The following STAB2 variants were observed in gnomAD, a reference collection of about 807,000 sequenced individuals.
STAB2 encodes the protein stabilin 2.
In STAB2, 288 loss-of-function variants were observed where a neutral mutation model predicts 338.1. The observed-to-expected ratio is 0.85, with a 90% confidence interval of 0.77 to 0.94. The LOEUF (loss-of-function observed/expected upper bound fraction) is 0.94. Ranked by LOEUF, STAB2 falls within the 40% of genes least tolerant of loss-of-function variation. The probability of loss-of-function intolerance (pLI) is 0.00; values close to 1 mark genes in which losing one functional copy is unlikely to be tolerated. For missense variants in STAB2, 3,141 were observed against 3,210.1 expected (o/e 0.98, Z 0.52); for synonymous variants, 1,202 against 1,193.3 (o/e 1.01, Z -0.15).
At position 103,631,706 on chromosome 12, in the gene STAB2, A is replaced by G; in HGVS notation, c.583+13A>G. 1 of 1,612,484 alleles carries G rather than the reference A, an allele frequency of 6.2e-7. No homozygotes were observed. Among genetic ancestry groups the G allele is most frequent in the Non-Finnish European group, 8.5e-7 (1 of 1,178,466 alleles). ...AAGTGTGACAAGCGTAAGTACTGCT[A>G]GTTCCCTTAATGCCACACCAGATCA... is the stretch of plus-strand genomic sequence containing the variant. On this transcript the variant is annotated intron_variant, in intron 6 of 68. Transcript: ENST00000388887.
chr12:103,677,044 C>T (rs1393689700), intron 24 of STAB2, among the ~76,000 whole-genome samples: 2 of 152,170 alleles, frequency 1.3e-5, no homozygotes, highest in African/African-American at 4.8e-5. Context: ...TCCTGAGAGG[C>T]CCGGGAGCTA....
Position 103,669,596 on chromosome 12 carries a change from G to C in STAB2, c.2228G>C (p.Gly743Ala). The C allele has an allele frequency of 6.2e-7, 1 of 1,614,192 alleles. No homozygotes were observed. The change falls in exon 21 of 69, where the codon GGC (glycine) becomes GCC (alanine). Residue 743 changes from glycine to alanine, a missense_variant. Transcript: ENST00000388887. ...YGPDCNQCPGGFSNPCSGNGQ... is the reference protein window; with the variant it reads ...YGPDCNQCPGAFSNPCSGNGQ... ...CCTGACTGCAACCAGTGTCCAGGAG[G>C]CTTCTCAAATCCATGCTCAGGAAAT... is the stretch of plus-strand genomic sequence containing the variant.
At chr12:103,677,382 CTCT>C in intron 24 of STAB2, 68 bp from the exon 25 acceptor site, 1 of 660,602 alleles carries the variant, frequency 1.5e-6, no homozygotes, top group South Asian at 3.9e-5. Flanking sequence ...TCTGGAAATT[CTCT>C]CTTATTTTTG....
rs927380901 is a variant in STAB2, at chr12:103,737,665, G to A, written c.5582G>A (p.Arg1861Lys). Reference protein sequence around the residue: ...GDLFLNGQTCRIVQRELLFDL... With the variant: ...GDLFLNGQTCKIVQRELLFDL... ...CTCTTTCTGAATGGCCAAACCTGCA[G>A]AATTGTGCAGCGGGAGCTCTTGTTT... is the stretch of plus-strand genomic sequence containing the variant. The change falls in exon 53 of 69, where the codon AGA (arginine) becomes AAA (lysine). Residue 1861 changes from arginine (R) to lysine (K), a missense_variant. Transcript: ENST00000388887. 1.3e-6 allele frequency: 2 copies of A among 1,585,264 alleles called. No homozygotes were observed. The highest frequency in any genetic ancestry group is 1.4e-5 in the African/African-American group (1 of 71,006).
At chr12:103,742,684 C>G in intron 56 of STAB2, 130 bp downstream of exon 56, 1 of 1,428,084 alleles carries the variant, frequency 7.0e-7, no homozygotes, top group East Asian at 2.3e-5. Context: ...TCCAATCTGC[C>G]TGCCCTATGT....
chr12:103,731,487 A>G (rs1159933518), intron 49 of STAB2, 89 bp from the exon 50 acceptor site: 7 of 1,384,810 alleles, frequency 5.1e-6, no homozygotes, highest in Non-Finnish European at 7.0e-6. Context: ...AGGTTATGTT[A>G]CCTTTACTTT....
chr12:103,675,264 G>A (rs763253720), intron 23 of STAB2, among the ~76,000 whole-genome samples: 25 of 152,180 alleles, frequency 1.6e-4, no homozygotes, highest in Admixed American at 5.2e-4. Flanking sequence ...ACCTTTAATA[G>A]TAAAAGTGTC....
At position 103,715,838 on chromosome 12, in the gene STAB2, C is replaced by A; in HGVS notation, c.4561C>A (p.His1521Asn). The A allele has an allele frequency of 6.2e-7, 1 of 1,614,072 alleles. No homozygotes were observed. Among genetic ancestry groups the A allele is most frequent in the South Asian group, 1.1e-5 (1 of 91,078 alleles). The change falls in exon 43 of 69, where the codon CAT becomes AAT. Residue 1521 changes from histidine (H) to asparagine (N), a missense_variant. Physicochemically the swap from His to Asn is moderately conservative, Grantham distance 68. Coordinates refer to ENST00000388887, the MANE Select transcript of STAB2 (RefSeq NM_017564.10). ...AGAAATCAACCCGTGTTTGGAGAAC[C>A]ATGGTGGCTGTGACAAGAATGCGGA... ...CLEINPCLEN[H>N]GGCDKNAECT...
intron 3 of STAB2, among the ~76,000 whole-genome samples, chr12:103,607,910 G>A (rs1193604438): frequency 6.6e-6 from 1 of 152,146 alleles, no homozygotes; most frequent in Non-Finnish European, 1.5e-5. Context: ...CTAGTAATGG[G>A]ATGGCTGGGT....
Position 103,698,482 on chromosome 12 carries a change from CCCCGGGGAGCCTG to C in STAB2, c.3583-610_3583-598del, listed in dbSNP as rs536752619. 3.3e-3 allele frequency among the ~76,000 whole-genome samples: 495 copies of C among 152,228 alleles called. 3 individuals carry two copies. The highest frequency in any genetic ancestry group is 0.011 in the African/African-American group (475 of 41,516). On this transcript the variant is annotated intron_variant, in intron 33 of 68. Coordinates refer to ENST00000388887, the MANE Select transcript of STAB2 (RefSeq NM_017564.10). Reference sequence around the variant, plus strand: ...ACCACAGAGCCCACCCCTAGCTCTGCCCCGGGGAGCCTGCCCATCCAGGCTGACATAGGCTCTC... The same window carrying C: ...ACCACAGAGCCCACCCCTAGCTCTGCCCCATCCAGGCTGACATAGGCTCTC...
intron 3 of STAB2, among the ~76,000 whole-genome samples, chr12:103,605,882 G>T (rs1307157640): frequency 6.6e-6 from 1 of 151,814 alleles, no homozygotes; most frequent in Non-Finnish European, 1.5e-5. Flanking sequence ...GCAGCATATA[G>T]TTAGGGTCTC....
At position 103,662,991 on chromosome 12, in the gene STAB2, T is replaced by C. The variant is rs539604328; in HGVS notation, c.2015T>C (p.Met672Thr). Residue 672 changes from methionine to threonine, a missense_variant, in exon 18 of 69, where the codon ATG becomes ACG. Met to Thr is a moderately conservative substitution (Grantham distance 81, BLOSUM62 -1). Coordinates refer to ENST00000388887, the MANE Select transcript of STAB2 (RefSeq NM_017564.10). ...PHRCDETKRE[M>T]KLGTCVSCSL... ...CGATGTGATGAAACAAAGAGAGAGA[T>C]GAAACTGGTAAGAAAACTAGGAAAA... 4.3e-6 allele frequency: 7 copies of C among 1,613,664 alleles called. No individual in the cohort carries two copies. Among genetic ancestry groups the C allele is most frequent in the Admixed American group, 1.7e-5 (1 of 59,972 alleles).
At chr12:103,756,254 G>A (rs1233345649) in intron 63 of STAB2, among the ~76,000 whole-genome samples, 14 of 152,216 alleles carry the variant, frequency 9.2e-5, no homozygotes. Context: ...CCAGCGAAGA[G>A]AAAGCCTCAT....
At chr12:103,711,059 AATG>A (rs1411750853) in intron 39 of STAB2, among the ~76,000 whole-genome samples, 2 of 152,260 alleles carry the variant, frequency 1.3e-5, no homozygotes, top group African/African-American at 2.4e-5. Flanking sequence ...TCCATAATAA[AATG>A]ATGAAAACCG....
rs1878346775 is a variant in STAB2, at chr12:103,695,735, A to G, written c.3475-2A>G. On this transcript the variant is annotated splice_acceptor_variant, in intron 32 of 68. Coordinates refer to ENST00000388887, the MANE Select transcript of STAB2 (RefSeq NM_017564.10). LOFTEE classifies it high-confidence loss of function. ...ATGCACTCTTGTCTCTTTCCATCGCAGCAATATAATCTGGCGAATGCAATT... is the reference window on the plus strand; with the variant it reads ...ATGCACTCTTGTCTCTTTCCATCGCGGCAATATAATCTGGCGAATGCAATT... 13 of 1,614,106 alleles carry G rather than the reference A, an allele frequency of 8.1e-6. No homozygotes were observed. The highest frequency in any genetic ancestry group is 1.3e-5 in the African/African-American group (1 of 74,938).
chr12:103,694,901 C>T (rs1287007196), intron 31 of STAB2, among the ~76,000 whole-genome samples: 1 of 151,882 alleles, frequency 6.6e-6, no homozygotes, highest in Non-Finnish European at 1.5e-5. Flanking sequence ...AGGAGTATGT[C>T]CCAAGTAGAA....
At chr12:103,677,370 T>A (rs1056907556) in intron 24 of STAB2, 83 bp from the exon 25 acceptor site, 1 of 1,484,658 alleles carries the variant, frequency 6.7e-7, no homozygotes, top group Non-Finnish European at 9.1e-7. Context: ...CTGGAACATA[T>A]GTCTGGAAAT....
intron 18 of STAB2, among the ~76,000 whole-genome samples, chr12:103,663,711 G>T (rs76555094): frequency 6.6e-6 from 1 of 152,130 alleles, no homozygotes; most frequent in East Asian, 1.9e-4. Flanking sequence ...ATTCAGCAGG[G>T]CCTCATGTTA....
chr12:103,628,358 G>C (rs1016956959), intron 5 of STAB2, among the ~76,000 whole-genome samples: 1 of 152,162 alleles, frequency 6.6e-6, no homozygotes, highest in South Asian at 2.1e-4. Context: ...ACTCAATAAA[G>C]AGAAGTGTGG....
Sources: gnomAD v4.1 joint callset for allele counts (sites outside exome capture counted in the v4.1 genomes callset) on GRCh38, gnomAD v4.1.1 for gene constraint, MANE v1.5 for transcripts, NCBI Gene and HGNC (gene_info 2026-07-23, HGNC 2026-07-21) for gene names.